CELF2: variants seen among roughly 807,000 people sequenced by gnomAD.
CELF2 encodes CUG triplet repeat RNA-binding protein 2.
CELF2 carries 8 observed loss-of-function variants against 62.6 expected under a neutral mutation model. That is an observed-to-expected ratio of 0.13 (90% CI 0.07 to 0.23). CELF2 has a LOEUF of 0.23. Among genes scored for constraint, CELF2 ranks in the 10% least tolerant of loss-of-function variants. The pLI is 1.00. For missense variants in CELF2, 333 were observed against 671.0 expected (o/e 0.50, Z 5.56); for synonymous variants, 258 against 250.0 (o/e 1.03, Z -0.30).
At chr10:11,120,247 C>A (rs1466112169) in intron 1 of CELF2, among the ~76,000 whole-genome samples, 2 of 152,144 alleles carry the variant, frequency 1.3e-5, no homozygotes. Flanking sequence ...CACATCGGTG[C>A]AGAAAAGGAG....
chr10:10,500,537 C>A, the CELF2 span, among the ~76,000 whole-genome samples: 3 of 152,228 alleles, frequency 2.0e-5, no homozygotes, highest in East Asian at 5.8e-4. Context: ...TCTTGCCTGC[C>A]GCCATGTAAG....
intron 1 of CELF2, among the ~76,000 whole-genome samples, chr10:11,118,663 T>G (rs1325312170): frequency 6.6e-6 from 1 of 152,154 alleles, no homozygotes; most frequent in Non-Finnish European, 1.5e-5. Context: ...TGGCCTTGGA[T>G]TTTCCTCACC....
At chr10:10,663,645 A>G in the CELF2 span, among the ~76,000 whole-genome samples, 21 of 152,250 alleles carry the variant, frequency 1.4e-4, no homozygotes, top group Non-Finnish European at 2.2e-4. Context: ...GGGTAAGATG[A>G]TAAGAAATGC....
At chr10:10,522,384 G>A in the CELF2 span, among the ~76,000 whole-genome samples, 6 of 152,232 alleles carry the variant, frequency 3.9e-5, no homozygotes, top group Admixed American at 3.3e-4. Flanking sequence ...TTGGAATTGC[G>A]TTCATGAATA....
chr10:10,560,108 A>G, the CELF2 span, among the ~76,000 whole-genome samples: 6 of 152,164 alleles, frequency 3.9e-5, no homozygotes, highest in Non-Finnish European at 7.3e-5. Flanking sequence ...GGCTCTGGAC[A>G]GGCTTCCCAA....
rs1333852000 is a variant in CELF2, at chr10:11,242,788, G to A, written c.355-6365G>A. ...GGACCACTCAGCTCTGGGACCCTGT[G>A]TGTGTGTAGGGAGGGAGAAGAGGTG... is the stretch of plus-strand genomic sequence containing the variant. On this transcript the variant is annotated intron_variant, in intron 3 of 12. Transcript: ENST00000633077. The surrounding 1 kb of genome is among the most constrained non-coding windows in gnomAD (Gnocchi z 4.8). 2.0e-5 allele frequency among the ~76,000 whole-genome samples: 3 copies of A among 152,188 alleles called. No individual in the cohort carries two copies. Among genetic ancestry groups the A allele is most frequent in the South Asian group, 4.1e-4 (2 of 4,830 alleles).
chr10:10,522,349 C>T, the CELF2 span, among the ~76,000 whole-genome samples: 1 of 152,214 alleles, frequency 6.6e-6, no homozygotes, highest in Non-Finnish European at 1.5e-5. Context: ...TCTCTGCCAT[C>T]TCTTCCCAAT....
At chr10:11,014,586 C>T (rs774266900), upstream of CELF2, among the ~76,000 whole-genome samples, 5 of 151,774 alleles carry the variant, frequency 3.3e-5, no homozygotes, top group Admixed American at 6.6e-5. Context: ...TTGTACTCTG[C>T]GTACAAATGC....
chr10:11,099,786 C>A (rs372133137), intron 1 of CELF2, among the ~76,000 whole-genome samples: 1 of 151,100 alleles, frequency 6.6e-6, no homozygotes, highest in Non-Finnish European at 1.5e-5. Flanking sequence ...GGTAGGTTGC[C>A]ACTATTTTTA....
At chr10:10,940,604 G>A (rs1320618180) in intron 2 of CELF2, among the ~76,000 whole-genome samples, 3 of 152,148 alleles carry the variant, frequency 2.0e-5, no homozygotes, top group Non-Finnish European at 2.9e-5. Flanking sequence ...TAACTCATAT[G>A]GCTATCTTAA....
chr10:10,732,703 T>C, the CELF2 span, among the ~76,000 whole-genome samples: 1 of 152,080 alleles, frequency 6.6e-6, no homozygotes. Flanking sequence ...TTTGTATTTT[T>C]AGTAGGCACA....
At chr10:10,463,845 A>C in the CELF2 span, among the ~76,000 whole-genome samples, 1 of 151,898 alleles carries the variant, frequency 6.6e-6, no homozygotes, top group Non-Finnish European at 1.5e-5. Context: ...AAACTGGTGT[A>C]GTTTTTATTT....
chr10:10,780,723 C>T, the CELF2 span, among the ~76,000 whole-genome samples: 1 of 152,230 alleles, frequency 6.6e-6, no homozygotes, highest in Non-Finnish European at 1.5e-5. Context: ...TTGCCATCCA[C>T]CTGCTTTGGC....
chr10:10,582,004 G>C, the CELF2 span, among the ~76,000 whole-genome samples: 274 of 152,150 alleles, frequency 1.8e-3, 1 homozygote, highest in African/African-American at 6.5e-3. Context: ...CTCCAGTCTG[G>C]GCAACAGAGC....
At chr10:11,307,355 C>G (rs1055820312) in intron 9 of CELF2, among the ~76,000 whole-genome samples, 1 of 152,230 alleles carries the variant, frequency 6.6e-6, no homozygotes. Context: ...CCTGTGATTT[C>G]CTGCAAGGTG....
Position 11,131,081 on chromosome 10 carries a change from G to T in CELF2, c.75-34405G>T, listed in dbSNP as rs553698260. ...TTTGAATCACTTGTATTACATTGCA[G>T]TTCTACTGAAAATACTTGATAGCAA... On this transcript the variant is annotated intron_variant, in intron 1 of 12. Transcript: ENST00000633077. Among the ~76,000 whole-genome samples, 5 of 152,332 alleles carry T rather than the reference G, an allele frequency of 3.3e-5. No individual in the cohort carries two copies. The South Asian group carries it at 8.3e-4, about 25-fold the overall frequency.
At chr10:11,031,402 A>G (rs540878953) in intron 1 of CELF2, among the ~76,000 whole-genome samples, 1 of 152,336 alleles carries the variant, frequency 6.6e-6, no homozygotes, top group Admixed American at 6.5e-5. Flanking sequence ...CTTTGTGCTC[A>G]AGTGCATAAA....
chr10:10,590,826 C>CT, the CELF2 span, among the ~76,000 whole-genome samples: 1 of 152,166 alleles, frequency 6.6e-6, no homozygotes, highest in Non-Finnish European at 1.5e-5. Flanking sequence ...CTGGGCATTT[C>CT]TTTTTTTCTG....
intron 1 of CELF2, among the ~76,000 whole-genome samples, chr10:10,831,177 G>A (rs976578443): frequency 5.9e-5 from 9 of 152,278 alleles, no homozygotes; most frequent in Admixed American, 3.3e-4. Context: ...TTCCAATTGC[G>A]CACTTCAAGT....
Sources: gnomAD v4.1 joint callset for allele counts (sites outside exome capture counted in the v4.1 genomes callset) on GRCh38, gnomAD v4.1.1 for gene constraint, Gnocchi (gnomAD v3.1) non-coding constraint, MANE v1.5 for transcripts, NCBI Gene and HGNC (gene_info 2026-07-23, HGNC 2026-07-21) for gene names.